The following LRPPRC variants were observed in gnomAD, a reference collection of about 807,000 sequenced individuals.
LRPPRC encodes leucine-rich PPR motif-containing protein, mitochondrial.
In LRPPRC, 120 loss-of-function variants were observed where a neutral mutation model predicts 180.3. That is an observed-to-expected ratio of 0.67 (90% CI 0.57 to 0.77). The LOEUF (loss-of-function observed/expected upper bound fraction) is 0.77. Among genes scored for constraint, LRPPRC ranks in the 30% least tolerant of loss-of-function variants. The pLI, the probability that LRPPRC is intolerant of heterozygous loss-of-function variation, is 0.00. For missense variants in LRPPRC, 2,012 were observed against 1,657.2 expected, an observed-to-expected ratio of 1.21 and a Z score of -3.72; for synonymous variants, 723 against 600.0, an observed-to-expected ratio of 1.21 and a Z score of -3.00.
chr2:43,994,784 A>C (rs1674947320), intron 1 of LRPPRC, among the ~76,000 whole-genome samples: 3 of 152,126 alleles, frequency 2.0e-5, no homozygotes, highest in African/African-American at 7.2e-5. Flanking sequence ...ACTTTCACCA[A>C]CTTTTCTTTT....
rs369959240 is a variant in LRPPRC, at chr2:43,945,434, C to G, written c.2211-17G>C. The G allele has an allele frequency of 7.4e-6, 11 of 1,480,516 alleles. No individual in the cohort carries two copies. 91.7% of individuals were successfully genotyped at this position (1,480,516 alleles called of 1,614,324 possible). On this transcript the variant is annotated splice_polypyrimidine_tract_variant and intron_variant, in intron 21 of 37. Coordinates refer to ENST00000260665, the MANE Select transcript of LRPPRC (RefSeq NM_133259.4). ...AAGCGGTCACTAAAAATTAAAGCCACATTTATATTGTTTTAAAAGTCAATT... is the reference window on the plus strand; with the variant it reads ...AAGCGGTCACTAAAAATTAAAGCCAGATTTATATTGTTTTAAAAGTCAATT...
At chr2:43,915,738 G>T (rs1423025944) in intron 29 of LRPPRC, among the ~76,000 whole-genome samples, 2 of 152,152 alleles carry the variant, frequency 1.3e-5, no homozygotes, top group Non-Finnish European at 2.9e-5. Context: ...GGAGGCATAA[G>T]AACTTATTTT....
At chr2:43,956,478 CGTGTGTGTGTGT>C (rs56919652) in intron 14 of LRPPRC, among the ~76,000 whole-genome samples, 29 of 142,490 alleles carry the variant, frequency 2.0e-4, no homozygotes, top group African/African-American at 6.5e-4. Context: ...AAGAAAAAAA[CGTGTGTGTGTGT>C]GTGTGTGTGT....
intron 9 of LRPPRC, 22 bp downstream of exon 9, chr2:43,974,128 A>G: frequency 1.9e-6 from 3 of 1,608,128 alleles, no homozygotes; most frequent in Non-Finnish European, 2.6e-6. Flanking sequence ...CATTGTCTAC[A>G]AAGTAAAAGT....
intron 31 of LRPPRC, chr2:43,903,930 C>G (rs556957432): frequency 1.9e-4 from 29 of 152,240 alleles, no homozygotes; most frequent in African/African-American, 6.3e-4. Context: ...ACATAAAATA[C>G]TAATAGGACA....
chr2:43,954,679 A>T (rs1347211147), intron 14 of LRPPRC, among the ~76,000 whole-genome samples: 1 of 152,224 alleles, frequency 6.6e-6, no homozygotes, highest in Non-Finnish European at 1.5e-5. Flanking sequence ...ATGTGCATGC[A>T]TGTGCACAAA....
At chr2:43,940,249 G>T (rs1672430326) in intron 23 of LRPPRC, among the ~76,000 whole-genome samples, 1 of 152,160 alleles carries the variant, frequency 6.6e-6, no homozygotes, top group South Asian at 2.1e-4. Flanking sequence ...AGCACATAAG[G>T]AGTTTTACTC....
At position 43,948,402 on chromosome 2, in the gene LRPPRC, G is replaced by T; in HGVS notation, c.1842+10C>A. The T allele has an allele frequency of 6.3e-7, 1 of 1,581,248 alleles. No individual in the cohort carries two copies. Among genetic ancestry groups the T allele is most frequent in the Non-Finnish European group, 8.7e-7 (1 of 1,150,282 alleles). On this transcript the variant is annotated intron_variant, in intron 17 of 37. Transcript: ENST00000260665. The stretch of plus-strand genomic sequence containing the variant: ...GGACAGGCATTATATAGCAAAAAAC[G>T]AAATGGTACCATCTTCTCCAGCTGA...
chr2:43,966,556 G>A lies in LRPPRC; in HGVS notation c.1370-2850C>T, dbSNP rs556294935. 4.6e-5 allele frequency among the ~76,000 whole-genome samples: 7 copies of A among 151,658 alleles called. No individual in the cohort carries two copies. The South Asian group carries it at 1.0e-3, about 23-fold the overall frequency. Reference sequence around the variant, plus strand: ...CTCCTGAGTAGCTGGGACTACAGGCGCACGCCACCACGCCGAGTAATTTTT... The same window carrying A: ...CTCCTGAGTAGCTGGGACTACAGGCACACGCCACCACGCCGAGTAATTTTT... On this transcript the variant is annotated intron_variant, in intron 11 of 37. Coordinates refer to ENST00000260665, the MANE Select transcript of LRPPRC (RefSeq NM_133259.4).
chr2:43,969,621 C>G (rs147978506), intron 11 of LRPPRC, among the ~76,000 whole-genome samples: 82 of 152,184 alleles, frequency 5.4e-4, no homozygotes, highest in African/African-American at 1.9e-3. Context: ...TCAGGGTAGT[C>G]ACTAAATTTA....
At chr2:43,928,745 C>T (rs1671978900) in intron 25 of LRPPRC, among the ~76,000 whole-genome samples, 1 of 151,904 alleles carries the variant, frequency 6.6e-6, no homozygotes, top group Non-Finnish European at 1.5e-5. Flanking sequence ...CTGGGCAACA[C>T]AGTGTGACCC....
chr2:43,971,986 ACT>A (rs1491545343), intron 11 of LRPPRC, among the ~76,000 whole-genome samples: 3 of 142,374 alleles, frequency 2.1e-5, no homozygotes, highest in Admixed American at 6.9e-5. Context: ...TAAAAAATTC[ACT>A]CTCTTTTAGC....
At chr2:43,955,227 G>A (rs1673056338) in intron 14 of LRPPRC, among the ~76,000 whole-genome samples, 1 of 152,068 alleles carries the variant, frequency 6.6e-6, no homozygotes, top group Admixed American at 6.5e-5. Context: ...CAGCACCTTG[G>A]GAGGCAGAGG....
rs1383634950 is a variant in LRPPRC, at chr2:43,974,648, C to T, written c.975G>A (p.Leu325=). ...ATCTTCTTTCACATGTAACTTTTTC[C>T]AAAATTTCTGAGACATACTGAGGAT... ...AGYPQYVSEI[L]EKVTCERRYI... is the part of the protein sequence containing the mutation. Residue 325 remains leucine, a synonymous_variant, in exon 8 of 38, where the codon TTG becomes TTA. Coordinates refer to ENST00000260665, the MANE Select transcript of LRPPRC (RefSeq NM_133259.4). 4 of 1,608,334 alleles carry T rather than the reference C, an allele frequency of 2.5e-6. No individual in the cohort carries two copies. The highest frequency in any genetic ancestry group is 1.1e-5 in the South Asian group (1 of 90,846).
chr2:43,971,517 T>C (rs1428976963), intron 11 of LRPPRC, among the ~76,000 whole-genome samples: 2 of 61,454 alleles, frequency 3.3e-5, no homozygotes, highest in Non-Finnish European at 7.4e-5. Flanking sequence ...AAAAAATATA[T>C]ATATATGTTT....
chr2:43,925,419 T>C lies in LRPPRC; in HGVS notation c.2806-262A>G, dbSNP rs79261265. ...AAAATTTGGAGTCAAGAACACAACA[T>C]GAATAACTAATTCAAAGGTATCTGG... is the stretch of plus-strand genomic sequence containing the variant. On this transcript the variant is annotated intron_variant, in intron 26 of 37. Coordinates refer to ENST00000260665, the MANE Select transcript of LRPPRC (RefSeq NM_133259.4). Among the ~76,000 whole-genome samples the C allele has an allele frequency of 2.6e-4, 39 of 152,316 alleles. No individual in the cohort carries two copies. The East Asian group carries it at 7.5e-3, about 29-fold the overall frequency.
chr2:43,905,788 A>C lies in LRPPRC; in HGVS notation c.3276-8T>G, dbSNP rs1436119381. On this transcript the variant is annotated splice_polypyrimidine_tract_variant and splice_region_variant and intron_variant, in intron 30 of 37. Coordinates refer to ENST00000260665, the MANE Select transcript of LRPPRC (RefSeq NM_133259.4). Reference sequence around the variant, plus strand: ...TTGATGTGGGTCTCCGCGCTAAAAGAAGCAGACATTTAGAAAGGAATTACT... The same window carrying C: ...TTGATGTGGGTCTCCGCGCTAAAAGCAGCAGACATTTAGAAAGGAATTACT... 1.0e-5 allele frequency: 16 copies of C among 1,570,728 alleles called. No homozygotes were observed. Among genetic ancestry groups the C allele is most frequent in the Non-Finnish European group, 1.4e-5 (16 of 1,140,388 alleles).
intron 12 of LRPPRC, among the ~76,000 whole-genome samples, chr2:43,961,267 G>A (rs78350528): frequency 0.03 from 4,492 of 152,230 alleles, 248 homozygotes; most frequent in African/African-American, 0.1. Context: ...TGAGAGAAGT[G>A]TAATTTTTCT....
rs367668787 is a variant in LRPPRC, at chr2:43,888,376, G to A, written c.*224C>T. On this transcript the variant is annotated 3_prime_UTR_variant, in exon 38 of 38. Transcript: ENST00000260665. ...TGAAAAAGTATGGCTTCACACAGCA[G>A]CAGCATTGAAGAAAACACTATCGAT... 4.3e-6 allele frequency: 2 copies of A among 460,296 alleles called. No individual in the cohort carries two copies. The highest frequency in any genetic ancestry group is 4.1e-5 in the East Asian group (1 of 24,098). 28.5% of individuals were successfully genotyped at this position (460,296 alleles called of 1,614,324 possible). A position where few individuals can be genotyped will look rare whatever the true frequency, so the allele number is the denominator to read the frequency against.
Sources: gnomAD v4.1 joint callset for allele counts (sites outside exome capture counted in the v4.1 genomes callset) on GRCh38, gnomAD v4.1.1 for gene constraint, MANE v1.5 for transcripts, NCBI Gene and HGNC (gene_info 2026-07-23, HGNC 2026-07-21) for gene names.